MEPE: variants seen among roughly 807,000 people sequenced by gnomAD.
MEPE encodes matrix extracellular phosphoglycoprotein.
Under a neutral mutation model 7.3 loss-of-function variants are expected in MEPE, and 7 were observed. That is an observed-to-expected ratio of 0.95 (90% CI 0.54 to 1.79). The LOEUF is 1.79. MEPE is among the 40% of genes most tolerant of loss of function. The pLI is 0.00. For missense variants in MEPE, 623 were observed against 628.2 expected, an observed-to-expected ratio of 0.99 and a Z score of 0.09; for synonymous variants, 214 against 213.1, an observed-to-expected ratio of 1.00 and a Z score of -0.04.
intron 1 of MEPE, chr4:87,821,488 C>T (rs1482534888): frequency 6.6e-6 from 1 of 152,146 alleles, no homozygotes; most frequent in African/African-American, 2.4e-5. Context: ...CTCAGGCTTT[C>T]AAGTTATTTC....
intron 1 of MEPE, among the ~76,000 whole-genome samples, chr4:87,824,286 A>C (rs1479513244): frequency 6.6e-6 from 1 of 152,250 alleles, no homozygotes; most frequent in East Asian, 1.9e-4. Flanking sequence ...GCTTCCCCTC[A>C]GCTGGCTAAG....
At chr4:87,831,377 T>C (rs186628233), upstream of MEPE, among the ~76,000 whole-genome samples, 82 of 152,328 alleles carry the variant, frequency 5.4e-4, no homozygotes, top group African/African-American at 1.9e-3. Flanking sequence ...AAAAATCAAC[T>C]TTACTCTTCC....
intron 2 of MEPE, among the ~76,000 whole-genome samples, chr4:87,837,029 G>A (rs1478279764): frequency 6.6e-6 from 1 of 152,194 alleles, no homozygotes; most frequent in African/African-American, 2.4e-5. Flanking sequence ...CTAAACTTCT[G>A]AGTTTTATAT....
chr4:87,842,769 T>C (rs1034359809), intron 3 of MEPE, among the ~76,000 whole-genome samples: 1 of 152,184 alleles, frequency 6.6e-6, no homozygotes, highest in African/African-American at 2.4e-5. Context: ...TAGTTTCAGG[T>C]TAAAAATTAT....
At chr4:87,827,542 A>C (rs1456718661) in intron 1 of MEPE, among the ~76,000 whole-genome samples, 2 of 152,222 alleles carry the variant, frequency 1.3e-5, no homozygotes, top group Non-Finnish European at 2.9e-5. Context: ...CTTGAAAAAC[A>C]AAACAGCAAC....
In MEPE at chr4:87,846,493, C is replaced by A. The variant is rs1250586364; in HGVS notation, c.*47C>A. ...GGTGACAGTCTGAAGACCTCGTCAC[C>A]TGTGAGTTGATGTAGAGGAGAGCCA... On this transcript the variant is annotated 3_prime_UTR_variant, in exon 4 of 4. Coordinates refer to ENST00000361056, the MANE Select transcript of MEPE (RefSeq NM_020203.6). 6.4e-7 allele frequency: 1 copy of A among 1,567,030 alleles called. No homozygotes were observed. The highest frequency in any genetic ancestry group is 1.4e-5 in the African/African-American group (1 of 73,542).
upstream of MEPE, among the ~76,000 whole-genome samples, chr4:87,829,657 A>G (rs979554355): frequency 3.9e-5 from 6 of 152,278 alleles, no homozygotes; most frequent in South Asian, 8.3e-4. Context: ...CATTATATAC[A>G]CATTATTATA....
intron 3 of MEPE, among the ~76,000 whole-genome samples, chr4:87,838,933 A>G (rs1179674351): frequency 6.6e-6 from 1 of 152,256 alleles, no homozygotes; most frequent in Non-Finnish European, 1.5e-5. Context: ...TTCAAATGAA[A>G]CAATGCTTTG....
chr4:87,823,706 TGAG>T (rs1406467600), intron 1 of MEPE, among the ~76,000 whole-genome samples: 1 of 152,108 alleles, frequency 6.6e-6, no homozygotes, highest in Non-Finnish European at 1.5e-5. Flanking sequence ...CTTTGAATGA[TGAG>T]GAGAACAAAT....
intron 2 of MEPE, among the ~76,000 whole-genome samples, chr4:87,838,262 A>C (rs375021371): frequency 6.6e-6 from 1 of 152,158 alleles, no homozygotes; most frequent in East Asian, 1.9e-4. Flanking sequence ...TATATTTAAC[A>C]ACTCCCAGTT....
At chr4:87,837,433 A>G (rs888510109) in intron 2 of MEPE, among the ~76,000 whole-genome samples, 7 of 152,218 alleles carry the variant, frequency 4.6e-5, no homozygotes, top group African/African-American at 1.7e-4. Flanking sequence ...AAATGAAGGA[A>G]TCAGTTCAGA....
intron 3 of MEPE, 128 bp from the exon 4 acceptor site, chr4:87,844,849 A>G (rs1210319550): frequency 3.3e-5 from 23 of 698,594 alleles, no homozygotes; most frequent in Middle Eastern, 4.3e-4. Context: ...TCTACCAGTA[A>G]ACCTCTATTG....
At chr4:87,842,363 G>A (rs1259177416) in intron 3 of MEPE, among the ~76,000 whole-genome samples, 1 of 152,170 alleles carries the variant, frequency 6.6e-6, no homozygotes, top group Non-Finnish European at 1.5e-5. Context: ...GAGCTCTCGT[G>A]TATTCTGACA....
At chr4:87,822,034 C>T (rs1322670780) in intron 1 of MEPE, among the ~76,000 whole-genome samples, 7 of 152,172 alleles carry the variant, frequency 4.6e-5, no homozygotes. Flanking sequence ...CAAACCAACA[C>T]CCAGCACTGT....
intron 1 of MEPE, among the ~76,000 whole-genome samples, chr4:87,822,093 AT>A (rs1441427426): frequency 1.3e-5 from 2 of 150,124 alleles, no homozygotes; most frequent in Non-Finnish European, 3.0e-5. Flanking sequence ...TTAAAAAAAA[AT>A]GTCTCACCCG....
rs1315114570 is a variant in MEPE, at chr4:87,846,782, C to G, written c.*336C>G. 1 of 207,116 alleles carries G rather than the reference C, an allele frequency of 4.8e-6. No homozygotes were observed. The highest frequency in any genetic ancestry group is 2.3e-5 in the African/African-American group (1 of 43,200). 12.8% of individuals were successfully genotyped at this position (207,116 alleles called of 1,614,324 possible). On this transcript the variant is annotated 3_prime_UTR_variant, in exon 4 of 4. Transcript: ENST00000361056. ...GTAGACATGAAAATAAACAATATCT[C>G]TCGATGATAATTTGTATTAAGTAAT...
chr4:87,835,855 C>T (rs935019992), intron 2 of MEPE, among the ~76,000 whole-genome samples: 12 of 152,166 alleles, frequency 7.9e-5, no homozygotes, highest in Non-Finnish European at 1.2e-4. Context: ...TTTTGAGCAA[C>T]ATGTTCCAAG....
intron 1 of MEPE, among the ~76,000 whole-genome samples, chr4:87,826,444 T>G (rs1418528963): frequency 6.6e-6 from 1 of 151,902 alleles, no homozygotes; most frequent in Non-Finnish European, 1.5e-5. Context: ...TTTCAACATG[T>G]TGGCCAGGAT....
chr4:87,838,507 T>C, intron 2 of MEPE, 125 bp from the exon 3 acceptor site: 1 of 789,516 alleles, frequency 1.3e-6, no homozygotes, highest in South Asian at 1.8e-5. Flanking sequence ...TTCTTTTGGT[T>C]AGAATGATTT....
Sources: allele counts gnomAD v4.1 joint callset (sites outside exome capture counted in the v4.1 genomes callset), GRCh38; gene constraint gnomAD v4.1.1; transcripts MANE v1.5; gene names NCBI Gene and HGNC (gene_info 2026-07-23, HGNC 2026-07-21).